The following FKBP9 variants were observed in gnomAD, a reference collection of about 807,000 sequenced individuals.
FKBP9 encodes peptidyl-prolyl cis-trans isomerase FKBP9.
In FKBP9, 27 loss-of-function variants were observed where a neutral mutation model predicts 55.6. The ratio of observed to expected loss-of-function variants is 0.49; its 90% CI spans 0.36 to 0.67. The LOEUF (loss-of-function observed/expected upper bound fraction) is 0.67, where lower values mean the gene tolerates loss of function less well. Among genes scored for constraint, FKBP9 ranks in the 30% least tolerant of loss-of-function variants. FKBP9 has a pLI of 0.00. For missense variants in FKBP9, 539 were observed against 742.8 expected, an observed-to-expected ratio of 0.73 and a Z score of 3.19; for synonymous variants, 267 against 296.5, an observed-to-expected ratio of 0.90 and a Z score of 1.02.
chr7:32,965,888 G>A (rs145317794), intron 1 of FKBP9, among the ~76,000 whole-genome samples: 73 of 98,100 alleles, frequency 7.4e-4, no homozygotes, highest in African/African-American at 2.4e-3. Flanking sequence ...TATATATAGA[G>A]AGAGAGAGAG....
intron 5 of FKBP9, among the ~76,000 whole-genome samples, chr7:32,984,412 T>G (rs1784537779): frequency 6.6e-6 from 1 of 152,088 alleles, no homozygotes; most frequent in South Asian, 2.1e-4. Context: ...CAAAAAAATT[T>G]GCCCGACTCA....
At chr7:32,965,940 C>A (rs1338693617) in intron 1 of FKBP9, among the ~76,000 whole-genome samples, 1 of 144,176 alleles carries the variant, frequency 6.9e-6, no homozygotes, top group African/African-American at 2.6e-5. Context: ...TGCTTCTAAT[C>A]CGAGCACTTT....
chr7:32,986,234 C>T (rs185606005), intron 5 of FKBP9, among the ~76,000 whole-genome samples: 47 of 152,196 alleles, frequency 3.1e-4, no homozygotes, highest in Non-Finnish European at 5.9e-4. Context: ...CCACAGCCTT[C>T]GGTGTCTGCT....
intron 1 of FKBP9, among the ~76,000 whole-genome samples, chr7:32,964,806 T>C (rs1784100157): frequency 6.6e-6 from 1 of 151,946 alleles, no homozygotes; most frequent in East Asian, 1.9e-4. Flanking sequence ...GAGAGGGAGG[T>C]GTTAGGCAGA....
intron 8 of FKBP9, among the ~76,000 whole-genome samples, chr7:33,001,789 T>C (rs1323049760): frequency 6.6e-6 from 1 of 152,150 alleles, no homozygotes; most frequent in East Asian, 1.9e-4. Flanking sequence ...TTCTAAAAGT[T>C]CTGCTGTTAG....
intron 4 of FKBP9, chr7:32,979,552 C>T: frequency 1.3e-6 from 2 of 1,550,478 alleles, no homozygotes; most frequent in Non-Finnish European, 1.7e-6. Flanking sequence ...CTTGTCTGGG[C>T]CTACTCCTTT....
rs1562559310 is a variant in FKBP9 at position 32,957,446 on chromosome 7, G to C, written c.-128G>C. The C allele has an allele frequency of 3.1e-6, 2 of 638,744 alleles. No individual in the cohort carries two copies. Among genetic ancestry groups the C allele is most frequent in the Non-Finnish European group, 4.6e-6 (2 of 438,580 alleles). 39.6% of individuals were successfully genotyped at this position (638,744 alleles called of 1,614,324 possible). A position where few individuals can be genotyped will look rare whatever the true frequency, so the allele number is the denominator to read the frequency against. ...GGGAGGGCGGGCGGCCGGGGAGACG[G>C]GGTGGCGGCTGCAGCCCGGGTAGGG... On this transcript the variant is annotated 5_prime_UTR_variant, in exon 1 of 10. Transcript: ENST00000242209.
intron 7 of FKBP9, among the ~76,000 whole-genome samples, chr7:32,996,968 G>A (rs1212397525): frequency 6.7e-6 from 1 of 149,318 alleles, no homozygotes; most frequent in Non-Finnish European, 1.5e-5. Context: ...CTAATTTTTT[G>A]TATTTTTAGT....
chr7:32,997,130 T>C (rs1412324814), intron 7 of FKBP9, among the ~76,000 whole-genome samples: 2 of 150,862 alleles, frequency 1.3e-5, no homozygotes, highest in Non-Finnish European at 3.0e-5. Context: ...AGTGCAGTGG[T>C]GCTATCTCGG....
intron 1 of FKBP9, among the ~76,000 whole-genome samples, chr7:32,959,099 G>A (rs1783963968): frequency 6.6e-6 from 1 of 150,608 alleles, no homozygotes; most frequent in Non-Finnish European, 1.5e-5. Context: ...TACCATTTTA[G>A]TTACTTTAAA....
intron 4 of FKBP9, chr7:32,979,680 A>G (rs796254088): frequency 2.7e-5 from 24 of 877,132 alleles, no homozygotes; most frequent in African/African-American, 2.5e-4. Context: ...TTGCAGGAAG[A>G]ACTAGTGTCC....
At chr7:32,970,262 T>A in intron 1 of FKBP9, among the ~76,000 whole-genome samples, 1 of 152,024 alleles carries the variant, frequency 6.6e-6, no homozygotes, top group Non-Finnish European at 1.5e-5. Context: ...AGTGGTGCAA[T>A]TTCGGCTCAC....
rs1305536393 is a variant in FKBP9, at chr7:32,957,566, C to A, written c.-8C>A. On this transcript the variant is annotated 5_prime_UTR_variant, in exon 1 of 10. Coordinates refer to ENST00000242209, the MANE Select transcript of FKBP9 (RefSeq NM_007270.5). ...CGCTGCGTCCGCGCCACTCTTCTCG[C>A]CGCCCCGATGGCGTTCCGGGGCTGG... 6.9e-7 allele frequency: 1 copy of A among 1,452,084 alleles called. No individual in the cohort carries two copies. The highest frequency in any genetic ancestry group is 2.7e-5 in the Admixed American group (1 of 36,852). The allele number at this position is 1,452,084 out of a possible 1,614,324, so 89.9% of individuals were successfully genotyped here.
intron 1 of FKBP9, among the ~76,000 whole-genome samples, chr7:32,966,064 G>A (rs1250476256): frequency 6.7e-6 from 1 of 148,382 alleles, no homozygotes; most frequent in African/African-American, 2.5e-5. Flanking sequence ...GTGGTAGCGT[G>A]TGCCTGTAAT....
chr7:32,981,771 C>G (rs1377804325), intron 5 of FKBP9, among the ~76,000 whole-genome samples: 1 of 151,298 alleles, frequency 6.6e-6, no homozygotes, highest in Non-Finnish European at 1.5e-5. Flanking sequence ...CTGGCGGGTG[C>G]CTGTAATCCC....
chr7:32,975,200 A>G lies in FKBP9; in HGVS notation c.386A>G (p.Asn129Ser), dbSNP rs1178489962. 4 of 1,613,584 alleles carry G rather than the reference A, an allele frequency of 2.5e-6. No homozygotes were observed. The highest frequency in any genetic ancestry group is 1.1e-5 in the South Asian group (1 of 91,064). ...NEGVSGVIPPNSVLHFDVLLM... is the reference protein window; with the variant it reads ...NEGVSGVIPPSSVLHFDVLLM... ...TTTCTAGCTGGTGTGATCCCCCCCA[A>G]TTCAGTGCTTCATTTTGATGTACTT... The change falls in exon 3 of 10, where the codon AAT becomes AGT. Residue 129 changes from asparagine to serine, a missense_variant. Coordinates refer to ENST00000242209, the MANE Select transcript of FKBP9 (RefSeq NM_007270.5).
intron 8 of FKBP9, among the ~76,000 whole-genome samples, chr7:33,001,490 G>A (rs189677894): frequency 3.3e-5 from 5 of 151,864 alleles, no homozygotes; most frequent in South Asian, 4.2e-4. Context: ...AGCCGAGATC[G>A]TGCCACTGTA....
chr7:32,973,682 G>GTTTTTT lies in FKBP9; in HGVS notation c.222-914_222-909dup, dbSNP rs745717239. 6.2e-5 allele frequency among the ~76,000 whole-genome samples: 4 copies of GTTTTTT among 64,986 alleles called. 1 individual carries two copies. The highest frequency in any genetic ancestry group is 1.1e-4 in the Non-Finnish European group (4 of 35,012). 42.6% of individuals were successfully genotyped at this position (64,986 alleles called of 152,430 possible). ...AGAAAATGAAATGAAGTTTTTTGTTGTTTTTTTTTTTTTTTTTTTTTTTTT... is the reference window on the plus strand; with the variant it reads ...AGAAAATGAAATGAAGTTTTTTGTTGTTTTTTTTTTTTTTTTTTTTTTTTTTTTTTT... On this transcript the variant is annotated intron_variant, in intron 1 of 9. Coordinates refer to ENST00000242209, the MANE Select transcript of FKBP9 (RefSeq NM_007270.5).
intron 7 of FKBP9, among the ~76,000 whole-genome samples, chr7:32,999,110 T>A (rs1257080224): frequency 6.6e-6 from 1 of 152,146 alleles, no homozygotes; most frequent in Non-Finnish European, 1.5e-5. Context: ...TGAGTTGGCT[T>A]TGTTTGGGGT....
Sources: allele counts gnomAD v4.1 joint callset (sites outside exome capture counted in the v4.1 genomes callset), GRCh38; gene constraint gnomAD v4.1.1; transcripts MANE v1.5; gene names NCBI Gene and HGNC (gene_info 2026-07-23, HGNC 2026-07-21).